AGMO: variants seen among roughly 807,000 people sequenced by gnomAD.
AGMO encodes glyceryl-ether monooxygenase.
Under a neutral mutation model 60.2 loss-of-function variants are expected in AGMO, and 75 were observed. The observed-to-expected ratio is 1.25, with a 90% CI of 1.03 to 1.51. The LOEUF (loss-of-function observed/expected upper bound fraction) is 1.51. Ranked by LOEUF, AGMO falls within the 40% of genes most tolerant of loss-of-function variation. The pLI is 0.00. For missense variants in AGMO, 763 were observed against 525.5 expected (o/e 1.45, Z -4.42); for synonymous variants, 261 against 177.1 (o/e 1.47, Z -3.76).
intron 12 of AGMO, among the ~76,000 whole-genome samples, chr7:15,339,384 G>A (rs942382794): frequency 6.6e-6 from 1 of 152,098 alleles, no homozygotes; most frequent in Non-Finnish European, 1.5e-5. Context: ...AATTAACACT[G>A]AGTTATTTGA....
intron 12 of AGMO, among the ~76,000 whole-genome samples, chr7:15,316,878 A>G (rs1433209923): frequency 6.6e-6 from 1 of 152,192 alleles, no homozygotes; most frequent in Non-Finnish European, 1.5e-5. Flanking sequence ...TGTAGACGTC[A>G]TAACCCACTC....
chr7:15,323,103 A>G (rs981794773), intron 12 of AGMO, among the ~76,000 whole-genome samples: 5 of 151,838 alleles, frequency 3.3e-5, no homozygotes, highest in Non-Finnish European at 7.4e-5. Context: ...AAATAAGCCT[A>G]GTTAAAGATC....
chr7:15,295,124 A>T (rs1164502693), intron 12 of AGMO, among the ~76,000 whole-genome samples: 1 of 151,932 alleles, frequency 6.6e-6, no homozygotes, highest in Non-Finnish European at 1.5e-5. Context: ...ATATTGAAAT[A>T]TACATATAAA....
chr7:15,160,263 G>A, the AGMO span, among the ~76,000 whole-genome samples: 2 of 152,078 alleles, frequency 1.3e-5, no homozygotes, highest in Non-Finnish European at 2.9e-5. Context: ...TACCACACAA[G>A]GGGCAGAAGG....
At chr7:15,419,477 T>C (rs1200623589) in intron 4 of AGMO, among the ~76,000 whole-genome samples, 2 of 152,062 alleles carry the variant, frequency 1.3e-5, no homozygotes, top group African/African-American at 4.8e-5. Flanking sequence ...ATAGAGTTTA[T>C]ACTTCTGAAA....
chr7:15,498,707 T>G (rs1169888868), intron 3 of AGMO, among the ~76,000 whole-genome samples: 1 of 152,000 alleles, frequency 6.6e-6, no homozygotes, highest in African/African-American at 2.4e-5. Flanking sequence ...AAATGCGTTT[T>G]GATTTACTAC....
At chr7:15,456,520 C>G (rs550808498) in intron 3 of AGMO, among the ~76,000 whole-genome samples, 8 of 152,082 alleles carry the variant, frequency 5.3e-5, no homozygotes, top group Non-Finnish European at 1.2e-4. Flanking sequence ...TTCTCTTGCC[C>G]TCAGCTCTAC....
chr7:15,505,033 T>C (rs1310446752), intron 3 of AGMO, among the ~76,000 whole-genome samples: 5 of 151,998 alleles, frequency 3.3e-5, no homozygotes, highest in Non-Finnish European at 7.4e-5. Context: ...AATTTTGTAA[T>C]GCCAATTTTA....
At chr7:15,355,268 C>G (rs187421723) in intron 12 of AGMO, among the ~76,000 whole-genome samples, 1 of 151,810 alleles carries the variant, frequency 6.6e-6, no homozygotes, top group Non-Finnish European at 1.5e-5. Context: ...TATGGGAGGC[C>G]GAGACGGGCG....
At chr7:15,268,509 T>C (rs1200753886) in intron 12 of AGMO, among the ~76,000 whole-genome samples, 2 of 152,006 alleles carry the variant, frequency 1.3e-5, no homozygotes, top group East Asian at 1.9e-4. Context: ...ATTATATTTA[T>C]TGTTTAGTTG....
chr7:15,441,644 C>G (rs373389948), intron 3 of AGMO, among the ~76,000 whole-genome samples: 1 of 152,100 alleles, frequency 6.6e-6, no homozygotes, highest in African/African-American at 2.4e-5. Context: ...AGCACTCCTA[C>G]GACGCTCCTC....
intron 12 of AGMO, among the ~76,000 whole-genome samples, chr7:15,339,112 G>C (rs773153619): frequency 4.6e-5 from 7 of 152,210 alleles, no homozygotes; most frequent in South Asian, 2.1e-4. Context: ...GCTCTTTCTA[G>C]CAACAGCCAT....
intron 10 of AGMO, among the ~76,000 whole-genome samples, chr7:15,372,157 A>C (rs982076997): frequency 2.0e-5 from 2 of 101,728 alleles, no homozygotes; most frequent in Non-Finnish European, 4.1e-5. Context: ...ACGTCTCTAA[A>C]GTCTAACATG....
chr7:15,436,814 T>C (rs1781416441), intron 3 of AGMO, among the ~76,000 whole-genome samples: 1 of 152,184 alleles, frequency 6.6e-6, no homozygotes, highest in South Asian at 2.1e-4. Flanking sequence ...GGGACAATCA[T>C]GGCACATCTT....
At chr7:15,498,934 GATAAAA>G (rs147994736) in intron 3 of AGMO, among the ~76,000 whole-genome samples, 57 of 151,994 alleles carry the variant, frequency 3.8e-4, no homozygotes, top group Non-Finnish European at 7.5e-4. Flanking sequence ...CAGTCTCTGA[GATAAAA>G]ATTATTTCAT....
the AGMO span, among the ~76,000 whole-genome samples, chr7:15,191,971 T>TCACACA: frequency 1.3e-5 from 1 of 77,068 alleles, no homozygotes; most frequent in African/African-American, 5.6e-5. Context: ...TCTGTCTCTC[T>TCACACA]CTCACACACA....
chr7:15,349,144 T>C (rs1234028308), intron 12 of AGMO, among the ~76,000 whole-genome samples: 1 of 152,130 alleles, frequency 6.6e-6, no homozygotes, highest in Non-Finnish European at 1.5e-5. Flanking sequence ...TGCTAAATGT[T>C]CTATATACAG....
At chr7:15,492,192 A>C (rs1318901852) in intron 3 of AGMO, among the ~76,000 whole-genome samples, 5 of 152,142 alleles carry the variant, frequency 3.3e-5, no homozygotes, top group Non-Finnish European at 5.9e-5. Flanking sequence ...GGCATAACAC[A>C]GCTAGAATCT....
At chr7:15,349,150 T>C (rs1377284094) in intron 12 of AGMO, among the ~76,000 whole-genome samples, 1 of 152,132 alleles carries the variant, frequency 6.6e-6, no homozygotes, top group African/African-American at 2.4e-5. Flanking sequence ...ATGTTCTATA[T>C]ACAGGCCTAT....
Sources: allele counts gnomAD v4.1 joint callset (sites outside exome capture counted in the v4.1 genomes callset), GRCh38; gene constraint gnomAD v4.1.1; transcripts MANE v1.5; gene names NCBI Gene and HGNC (gene_info 2026-07-23, HGNC 2026-07-21).